The following TNRC18 variants were observed in gnomAD, a reference collection of about 807,000 sequenced individuals.
The protein encoded by TNRC18 is trinucleotide repeat containing 18.
In TNRC18, 69 loss-of-function variants were observed where a neutral mutation model predicts 226.7. The ratio of observed to expected loss-of-function variants is 0.30; its 90% CI spans 0.25 to 0.37. The LOEUF is 0.37. TNRC18 is among the 10% of genes least tolerant of loss of function. TNRC18 has a pLI of 1.00. For synonymous variants in TNRC18, 2,449 were observed against 1,927.6 expected (o/e 1.27, Z -7.09); for missense variants, 4,754 against 4,256.6 (o/e 1.12, Z -3.25).
intron 18 of TNRC18, among the ~76,000 whole-genome samples, chr7:5,344,547 G>C (rs540615997): frequency 6.6e-6 from 1 of 152,120 alleles, no homozygotes; most frequent in Non-Finnish European, 1.5e-5. Flanking sequence ...TCAGGGGTGG[G>C]GCTTTGCTCC....
chr7:5,377,441 G>A lies in TNRC18; in HGVS notation c.2391C>T (p.Ala797=). 1 of 1,590,852 alleles carries A rather than the reference G, an allele frequency of 6.3e-7. No individual in the cohort carries two copies. Among genetic ancestry groups the A allele is most frequent in the Non-Finnish European group, 8.5e-7 (1 of 1,169,958 alleles). ...GCAACCAGGGGTGCGTGGCCAGATG[G>A]GCTGCGGGGTCGGCAGACCAGCGAC... ...GSGRWSADPA[A]HLATHPWLPR... Residue 797 remains alanine (A), a synonymous_variant, in exon 7 of 30, where the codon GCC becomes GCT. Transcript: ENST00000430969. This position sits in a 1 kb window ranked among gnomAD's most constrained non-coding sequence, Gnocchi z 5.8.
At chr7:5,416,222 G>A (rs1268327478) in intron 2 of TNRC18, among the ~76,000 whole-genome samples, 1 of 151,374 alleles carries the variant, frequency 6.6e-6, no homozygotes, top group Non-Finnish European at 1.5e-5. Context: ...AGATCATCCC[G>A]GCTAACACGG....
In TNRC18 at chr7:5,307,609, G is replaced by A. The variant is rs1786675782; in HGVS notation, c.*497C>T. 2.3e-6 allele frequency: 1 copy of A among 443,918 alleles called. No homozygotes were observed. Among genetic ancestry groups the A allele is most frequent in the Non-Finnish European group, 4.5e-6 (1 of 220,792 alleles). 27.5% of individuals were successfully genotyped at this position (443,918 alleles called of 1,614,324 possible). The stretch of plus-strand genomic sequence containing the variant: ...GCCCCTGGCACAGTCAGGTAGGCCA[G>A]CTGGCATCGGGCTGCCCTGTCCCAT... On this transcript the variant is annotated 3_prime_UTR_variant, in exon 30 of 30. Transcript: ENST00000430969.
chr7:5,405,829 C>A (rs1224321164), intron 2 of TNRC18, among the ~76,000 whole-genome samples: 1 of 151,894 alleles, frequency 6.6e-6, no homozygotes, highest in Non-Finnish European at 1.5e-5. Flanking sequence ...TTTGAGAAGC[C>A]AAGGCAGGAG....
At position 5,395,907 on chromosome 7, in the gene TNRC18, G is replaced by C. The variant is rs563749165; in HGVS notation, c.188-1312C>G. Among the ~76,000 whole-genome samples, 308 of 151,958 alleles carry C rather than the reference G, an allele frequency of 2.0e-3. 1 individual carries two copies. The highest frequency in any genetic ancestry group is 7.3e-3 in the African/African-American group (303 of 41,406). On this transcript the variant is annotated intron_variant, in intron 2 of 29. Transcript: ENST00000430969. ...AGCTACACGGGAGGCTGAGGCAGGAGAATCGCTTGAAGCTGGGAGGCGGAG... is the reference window on the plus strand; with the variant it reads ...AGCTACACGGGAGGCTGAGGCAGGACAATCGCTTGAAGCTGGGAGGCGGAG...
rs1372753296 is a variant in TNRC18, at chr7:5,307,853, G to A, written c.*253C>T. 5 of 550,240 alleles carry A rather than the reference G, an allele frequency of 9.1e-6. No individual in the cohort carries two copies. The highest frequency in any genetic ancestry group is 5.7e-5 in the African/African-American group (3 of 52,718). The allele number at this position is 550,240 out of a possible 1,614,324, so 34.1% of individuals were successfully genotyped here. ...GGAAGGGCCGGTCCGGCCATACCCT[G>A]ATAGCTAAGAGGGGCCCCTGTCCTG... On this transcript the variant is annotated 3_prime_UTR_variant, in exon 30 of 30. Transcript: ENST00000430969.
Position 5,421,238 on chromosome 7 carries a change from G to T in TNRC18, c.9C>A (p.Gly3=). 7.7e-7 allele frequency: 1 copy of T among 1,301,552 alleles called. No individual in the cohort carries two copies. The allele number at this position is 1,301,552 out of a possible 1,614,324, so 80.6% of individuals were successfully genotyped here. MD[G]RDFGPQRSVH... is the part of the protein sequence containing the mutation. Reference sequence around the variant, plus strand: ...CGGACCGCTGGGGCCCGAAGTCTCGGCCATCCATCCTCCGCGGGAGTGCCG... The same window carrying T: ...CGGACCGCTGGGGCCCGAAGTCTCGTCCATCCATCCTCCGCGGGAGTGCCG... The change falls in exon 2 of 30, where the codon GGC becomes GGA. Residue 3 remains glycine (G), a synonymous_variant. Transcript: ENST00000430969.
Position 5,361,605 on chromosome 7 carries a change from G to A in TNRC18, c.4650C>T (p.His1550=), listed in dbSNP as rs765861698. The change falls in exon 14 of 30, where the codon CAC becomes CAT. Residue 1550 remains histidine (H), a synonymous_variant. Transcript: ENST00000430969. ...SPPRKRGKSG[H]SSGKLSSKSL... ...GGGGCCAGCCTTACTTTCCGCTACT[G>A]TGGCCGCTCTTCCCTCTCTTGCGGG... 6.5e-7 allele frequency: 1 copy of A among 1,535,044 alleles called. No homozygotes were observed. The highest frequency in any genetic ancestry group is 8.8e-7 in the Non-Finnish European group (1 of 1,141,198).
intron 2 of TNRC18, among the ~76,000 whole-genome samples, chr7:5,399,189 G>A (rs1399078582): frequency 6.6e-6 from 1 of 152,090 alleles, no homozygotes; most frequent in African/African-American, 2.4e-5. Context: ...CAAGAAGGAT[G>A]CAAGCCTCAG....
At position 5,345,788 on chromosome 7, in the gene TNRC18, G is replaced by A. The variant is rs1195137453; in HGVS notation, c.5493C>T (p.Asp1831=). 3.2e-6 allele frequency: 5 copies of A among 1,544,910 alleles called. No individual in the cohort carries two copies. Among genetic ancestry groups the A allele is most frequent in the African/African-American group, 1.4e-5 (1 of 72,856 alleles). The change falls in exon 18 of 30, where the codon GAC becomes GAT. Residue 1831 remains aspartate, a synonymous_variant. Coordinates refer to ENST00000430969, the MANE Select transcript of TNRC18 (RefSeq NM_001080495.3). The part of the protein sequence containing the change: ...FDQDESSEEE[D]EEEELEEEDE... ...CCTCCTCCTCGAGCTCCTCCTCCTC[G>A]TCCTCCTCCTCCGAGCTCTCATCTG...
In TNRC18 at chr7:5,377,408, C is replaced by A; in HGVS notation, c.2424G>T (p.Ser808=). The stretch of plus-strand genomic sequence containing the variant: ...CAGCGAGCCACATGGATGCGTTGCC[C>A]GAGCGGGGCAACCAGGGGTGCGTGG... ...HLATHPWLPR[S]GNASMWLAGH... The change falls in exon 7 of 30, where the codon TCG becomes TCT. Residue 808 remains serine, a synonymous_variant. Transcript: ENST00000430969. The surrounding 1 kb of genome is among the most constrained non-coding windows in gnomAD (Gnocchi z 5.8). 1.3e-6 allele frequency: 2 copies of A among 1,595,426 alleles called. No individual in the cohort carries two copies.
chr7:5,361,798 A>G, intron 13 of TNRC18, 76 bp from the exon 14 acceptor site: 1 of 1,530,030 alleles, frequency 6.5e-7, no homozygotes, highest in African/African-American at 1.4e-5. Context: ...CGATGCACAC[A>G]CGGCGCCGGG....
chr7:5,412,358 C>T (rs1781899155), intron 2 of TNRC18, among the ~76,000 whole-genome samples: 1 of 151,916 alleles, frequency 6.6e-6, no homozygotes, highest in South Asian at 2.1e-4. Context: ...GGTGGATCAC[C>T]TGAAGTCATG....
Position 5,357,624 on chromosome 7 carries a change from A to T in TNRC18, c.4834-348T>A, listed in dbSNP as rs551773920. 8.5e-5 allele frequency among the ~76,000 whole-genome samples: 13 copies of T among 152,220 alleles called. No homozygotes were observed. The South Asian group carries it at 2.1e-3, about 24-fold the overall frequency. On this transcript the variant is annotated intron_variant, in intron 15 of 29. Transcript: ENST00000430969. ...CAGCTTTTCTGGTAGCTGGGAATAC[A>T]GGCGTGCGCCACCACTCCTGGCTAA... is the stretch of plus-strand genomic sequence containing the variant.
chr7:5,368,831 C>T (rs1330060644), intron 11 of TNRC18, among the ~76,000 whole-genome samples: 1 of 152,096 alleles, frequency 6.6e-6, no homozygotes, highest in Admixed American at 6.6e-5. Flanking sequence ...GGTGTTGCCC[C>T]GGCCCTTCCT....
Position 5,374,208 on chromosome 7 carries a change from T to TGGGGGGGGGG in TNRC18, c.3075_3076insCCCCCCCCCC (p.Thr1026ProfsTer91). Reference sequence around the variant, plus strand: ...GGGCTGGTGGGGTGGGAGCTGGGGGTGGCGGGGTAGGCGTAGGCGGGTGGC... The same window carrying TGGGGGGGGGG: ...GGGCTGGTGGGGTGGGAGCTGGGGGTGGGGGGGGGGGGCGGGGTAGGCGTAGGCGGGTGGC... On this transcript the variant is annotated frameshift_variant, in exon 10 of 30. Coordinates refer to ENST00000430969, the MANE Select transcript of TNRC18 (RefSeq NM_001080495.3). LOFTEE classifies it high-confidence loss of function. 9 of 675,286 alleles carry TGGGGGGGGGG rather than the reference T, an allele frequency of 1.3e-5. No homozygotes were observed. Among genetic ancestry groups the TGGGGGGGGGG allele is most frequent in the East Asian group, 1.4e-4 (1 of 7,190 alleles). 41.8% of individuals were successfully genotyped at this position (675,286 alleles called of 1,614,324 possible).
rs1424810413 is a variant in TNRC18 at position 5,377,129 on chromosome 7, T to C, written c.2462-136A>G. The C allele has an allele frequency of 7.5e-7, 1 of 1,338,008 alleles. No homozygotes were observed. Among genetic ancestry groups the C allele is most frequent in the African/African-American group, 1.5e-5 (1 of 67,034 alleles). The allele number at this position is 1,338,008 out of a possible 1,614,324, so 82.9% of individuals were successfully genotyped here. On this transcript the variant is annotated intron_variant, in intron 7 of 29. Coordinates refer to ENST00000430969, the MANE Select transcript of TNRC18 (RefSeq NM_001080495.3). The surrounding 1 kb of genome is among the most constrained non-coding windows in gnomAD (Gnocchi z 5.8). ...CAGTGGGGAAGCCAAGGGACAGGGG[T>C]GCTGGCTGGCTGCAAAGAGCACCCC...
intron 18 of TNRC18, among the ~76,000 whole-genome samples, chr7:5,334,427 G>T (rs1789877235): frequency 6.6e-6 from 1 of 151,340 alleles, no homozygotes; most frequent in Non-Finnish European, 1.5e-5. Context: ...CTCCTGAGTA[G>T]CTGGGACTAC....
chr7:5,364,745 G>A (rs925451706), intron 11 of TNRC18, among the ~76,000 whole-genome samples: 5 of 149,980 alleles, frequency 3.3e-5, no homozygotes, highest in African/African-American at 9.8e-5. Context: ...CAGAGGTTGC[G>A]GGGAGGCATG....
Sources: allele counts gnomAD v4.1 joint callset (sites outside exome capture counted in the v4.1 genomes callset), GRCh38; gene constraint gnomAD v4.1.1; non-coding constraint Gnocchi (gnomAD v3.1); transcripts MANE v1.5; gene names NCBI Gene and HGNC (gene_info 2026-07-23, HGNC 2026-07-21).